Variants in SLC24A3 observed in about 807,000 individuals in gnomAD.
The protein encoded by SLC24A3 is sodium/potassium/calcium exchanger 3.
Under a neutral mutation model 75.8 loss-of-function variants are expected in SLC24A3, and 28 were observed. The ratio of observed to expected loss-of-function variants is 0.37; its 90% confidence interval spans 0.27 to 0.51. The LOEUF (loss-of-function observed/expected upper bound fraction) is 0.51, where lower values mean the gene tolerates loss of function less well. Among genes scored for constraint, SLC24A3 ranks in the 20% least tolerant of loss-of-function variants. SLC24A3 has a pLI of 0.94. For missense variants in SLC24A3, 663 were observed against 847.8 expected, an observed-to-expected ratio of 0.78 and a Z score of 2.71; for synonymous variants, 372 against 334.1, an observed-to-expected ratio of 1.11 and a Z score of -1.24.
chr20:19,688,582 G>T (rs1454158094), intron 12 of SLC24A3, among the ~76,000 whole-genome samples: 2 of 152,216 alleles, frequency 1.3e-5, no homozygotes, highest in Non-Finnish European at 2.9e-5. Flanking sequence ...AGTTCTGGGA[G>T]CCCCAGATGG....
At chr20:19,452,128 G>A (rs1987493397) in intron 2 of SLC24A3, among the ~76,000 whole-genome samples, 1 of 152,160 alleles carries the variant, frequency 6.6e-6, no homozygotes, top group Non-Finnish European at 1.5e-5. Flanking sequence ...GGCGCTTAAG[G>A]CTTATCCCAC....
chr20:19,636,254 A>G (rs1483399794), intron 6 of SLC24A3, among the ~76,000 whole-genome samples: 3 of 152,188 alleles, frequency 2.0e-5, no homozygotes, highest in Non-Finnish European at 4.4e-5. Flanking sequence ...TCACAAGTCC[A>G]CCTTTATTCA....
At chr20:19,379,376 C>T (rs1415831529) in intron 2 of SLC24A3, among the ~76,000 whole-genome samples, 5 of 152,132 alleles carry the variant, frequency 3.3e-5, no homozygotes, top group Non-Finnish European at 7.3e-5. Flanking sequence ...GCCAAGATGC[C>T]AGCCACGTGG....
intron 2 of SLC24A3, among the ~76,000 whole-genome samples, chr20:19,332,958 G>T (rs1166093418): frequency 1.3e-5 from 2 of 152,178 alleles, no homozygotes; most frequent in Admixed American, 1.3e-4. Context: ...CTCCTCCCAG[G>T]GTCAGATGAA....
At chr20:19,310,395 T>C (rs2122259849) in intron 2 of SLC24A3, among the ~76,000 whole-genome samples, 1 of 152,340 alleles carries the variant, frequency 6.6e-6, no homozygotes, top group Non-Finnish European at 1.5e-5. Context: ...AGCTAGTGTA[T>C]GTTCAGTAAA....
chr20:19,383,674 G>C (rs970057321), intron 2 of SLC24A3, among the ~76,000 whole-genome samples: 1 of 152,154 alleles, frequency 6.6e-6, no homozygotes, highest in Non-Finnish European at 1.5e-5. Context: ...AAATGCCATA[G>C]ACTGGGTGGC....
At chr20:19,311,509 T>C (rs191432011) in intron 2 of SLC24A3, among the ~76,000 whole-genome samples, 1 of 152,132 alleles carries the variant, frequency 6.6e-6, no homozygotes, top group Admixed American at 6.5e-5. Context: ...CTACATCCAC[T>C]CAGAGTGATC....
chr20:19,490,034 C>T (rs959757957), intron 2 of SLC24A3, among the ~76,000 whole-genome samples: 8 of 152,162 alleles, frequency 5.3e-5, no homozygotes, highest in African/African-American at 1.9e-4. Context: ...CTGAATTGCT[C>T]ACCTGTTTCT....
chr20:19,391,189 A>G (rs1453330147), intron 2 of SLC24A3, among the ~76,000 whole-genome samples: 2 of 152,016 alleles, frequency 1.3e-5, no homozygotes, highest in Non-Finnish European at 2.9e-5. Context: ...AACCCCACTA[A>G]CACCCTTGGC....
intron 1 of SLC24A3, among the ~76,000 whole-genome samples, chr20:19,260,219 C>A (rs1600397681): frequency 6.6e-6 from 1 of 152,320 alleles, no homozygotes. Context: ...TGCCTGCAGT[C>A]TAGTCCTATG....
At chr20:19,465,381 ATTTTT>A (rs5840845) in intron 2 of SLC24A3, among the ~76,000 whole-genome samples, 2 of 143,104 alleles carry the variant, frequency 1.4e-5, no homozygotes, top group African/African-American at 2.6e-5. Flanking sequence ...GGGCTGGAGA[ATTTTT>A]TTTTTTTTTT....
intron 2 of SLC24A3, among the ~76,000 whole-genome samples, chr20:19,482,241 C>T (rs1342520294): frequency 6.6e-6 from 1 of 152,190 alleles, no homozygotes; most frequent in Admixed American, 6.5e-5. Context: ...CATTGTCTGG[C>T]ACCCTCTGCA....
chr20:19,404,165 T>C (rs1986601464), intron 2 of SLC24A3, among the ~76,000 whole-genome samples: 1 of 152,222 alleles, frequency 6.6e-6, no homozygotes, highest in South Asian at 2.1e-4. Flanking sequence ...AATTCAGTTT[T>C]ACTCAGCAAA....
intron 2 of SLC24A3, among the ~76,000 whole-genome samples, chr20:19,465,450 G>C (rs558842451): frequency 1.3e-5 from 2 of 150,132 alleles, no homozygotes; most frequent in African/African-American, 4.9e-5. Flanking sequence ...CTTTCACGTG[G>C]TTTGCTAGAA....
At chr20:19,406,954 G>A (rs1986657585) in intron 2 of SLC24A3, among the ~76,000 whole-genome samples, 1 of 152,224 alleles carries the variant, frequency 6.6e-6, no homozygotes, top group Non-Finnish European at 1.5e-5. Flanking sequence ...GACATGTGGT[G>A]CTGCCAGGTG....
intron 10 of SLC24A3, among the ~76,000 whole-genome samples, chr20:19,682,812 C>T (rs2032630271): frequency 6.6e-6 from 1 of 152,170 alleles, no homozygotes; most frequent in Admixed American, 6.5e-5. Context: ...AAAGTGCCTT[C>T]CTCTTCAAAG....
At chr20:19,386,010 AGC>A (rs1173683030) in intron 2 of SLC24A3, among the ~76,000 whole-genome samples, 23 of 152,238 alleles carry the variant, frequency 1.5e-4, no homozygotes, top group Admixed American at 1.5e-3. Context: ...CACTTTGGCT[AGC>A]ATGGACATTT....
chr20:19,419,812 C>T (rs964063352), intron 2 of SLC24A3, among the ~76,000 whole-genome samples: 8 of 147,884 alleles, frequency 5.4e-5, no homozygotes, highest in African/African-American at 1.5e-4. Context: ...GCCATGTCCT[C>T]GACAGCCAAG....
chr20:19,591,232 G>C (rs1379742684), intron 6 of SLC24A3, among the ~76,000 whole-genome samples: 3 of 152,120 alleles, frequency 2.0e-5, no homozygotes, highest in Non-Finnish European at 4.4e-5. Context: ...CGTGTGTCTT[G>C]CTTGTTCCAC....
Sources: allele counts gnomAD v4.1 joint callset (sites outside exome capture counted in the v4.1 genomes callset), GRCh38; gene constraint gnomAD v4.1.1; transcripts MANE v1.5; gene names NCBI Gene and HGNC (gene_info 2026-07-23, HGNC 2026-07-21).